FBXL20: variants seen among roughly 807,000 people sequenced by gnomAD.
The protein encoded by FBXL20 is F-box/LRR-repeat protein 20.
A neutral mutation model predicts 64.0 loss-of-function variants in FBXL20; 11 were observed. That is an observed-to-expected ratio of 0.17 (90% CI 0.11 to 0.28). The LOEUF is 0.28. Among genes scored for constraint, FBXL20 ranks in the 10% least tolerant of loss-of-function variants. FBXL20 has a pLI of 1.00. For synonymous variants in FBXL20, 184 were observed against 189.0 expected, an observed-to-expected ratio of 0.97 and a Z score of 0.22; for missense variants, 303 against 526.2, an observed-to-expected ratio of 0.58 and a Z score of 4.15.
chr17:39,402,345 G>A (rs981597791), upstream of FBXL20: 6 of 599,636 alleles, frequency 1.0e-5, no homozygotes, highest in African/African-American at 9.5e-5. Context: ...GGGTGCTGCA[G>A]GGAGGCCTGG....
At chr17:39,292,434 G>A (rs1286872053) in intron 6 of FBXL20, among the ~76,000 whole-genome samples, 1 of 140,742 alleles carries the variant, frequency 7.1e-6, no homozygotes, top group Non-Finnish European at 1.5e-5. Context: ...CCAGGCTTGA[G>A]TGCAGTGGCT....
intron 1 of FBXL20, among the ~76,000 whole-genome samples, chr17:39,374,297 G>A (rs893453463): frequency 6.6e-6 from 1 of 152,062 alleles, no homozygotes; most frequent in Non-Finnish European, 1.5e-5. Context: ...GGGAGGCCAA[G>A]GTGGTTGGAT....
upstream of FBXL20, chr17:39,401,751 G>A: frequency 4.8e-6 from 5 of 1,031,312 alleles, no homozygotes; most frequent in Non-Finnish European, 5.9e-6. Flanking sequence ...GGAGGAGCGC[G>A]GCGGCGGCGG....
chr17:39,305,950 G>A (rs946677684), intron 2 of FBXL20, among the ~76,000 whole-genome samples: 1 of 151,544 alleles, frequency 6.6e-6, no homozygotes, highest in Non-Finnish European at 1.5e-5. Flanking sequence ...TGGTGCCATT[G>A]TACTCCAGCC....
intron 1 of FBXL20, among the ~76,000 whole-genome samples, chr17:39,375,130 G>C (rs73293040): frequency 0.017 from 2,601 of 152,226 alleles, 74 homozygotes; most frequent in African/African-American, 0.058. Context: ...CACAGAATTA[G>C]TGTATCATCA....
intron 1 of FBXL20, among the ~76,000 whole-genome samples, chr17:39,363,518 CAG>C (rs1215705377): frequency 6.6e-6 from 1 of 151,752 alleles, no homozygotes; most frequent in African/African-American, 2.4e-5. Flanking sequence ...TCTATACAAA[CAG>C]ATAAATAATG....
At chr17:39,286,172 A>C (rs1452201571) in intron 6 of FBXL20, among the ~76,000 whole-genome samples, 1 of 152,204 alleles carries the variant, frequency 6.6e-6, no homozygotes, top group African/African-American at 2.4e-5. Flanking sequence ...AGAGTAAATA[A>C]TACAGAGAAC....
At chr17:39,275,651 C>G (rs2046883368) in intron 9 of FBXL20, among the ~76,000 whole-genome samples, 1 of 151,758 alleles carries the variant, frequency 6.6e-6, no homozygotes, top group Non-Finnish European at 1.5e-5. Context: ...CTCAAGTGAT[C>G]TGCCCACCTC....
rs1252998604 is a variant in FBXL20 at position 39,299,106 on chromosome 17, C to A, written c.235-22G>T. On this transcript the variant is annotated intron_variant, in intron 4 of 14. Transcript: ENST00000264658. ...GGCCCTGTAAAATGAGACAGGCAAA[C>A]AAAAAGATAACCCACCTCATTACTT... The A allele has an allele frequency of 2.0e-6, 3 of 1,525,420 alleles. No individual in the cohort carries two copies. In the Admixed American group the frequency reaches 5.5e-5, roughly 28 times the overall value. 94.5% of individuals were successfully genotyped at this position (1,525,420 alleles called of 1,614,324 possible). A position where few individuals can be genotyped will look rare whatever the true frequency, so the allele number is the denominator to read the frequency against.
chr17:39,400,196 T>G (rs987120249), intron 1 of FBXL20, among the ~76,000 whole-genome samples: 8 of 152,212 alleles, frequency 5.3e-5, no homozygotes, highest in Non-Finnish European at 8.8e-5. Flanking sequence ...ACAGTAACAC[T>G]GAAGCTCTGA....
At chr17:39,341,446 T>C (rs978822408) in intron 2 of FBXL20, among the ~76,000 whole-genome samples, 2 of 152,196 alleles carry the variant, frequency 1.3e-5, no homozygotes, top group Non-Finnish European at 2.9e-5. Context: ...TCACATATCT[T>C]CTTTCAGATG....
chr17:39,287,771 T>A (rs1006480556), intron 6 of FBXL20, among the ~76,000 whole-genome samples: 1 of 152,056 alleles, frequency 6.6e-6, no homozygotes, highest in Non-Finnish European at 1.5e-5. Context: ...AGGTTATGTT[T>A]GACTTTGAAG....
chr17:39,336,382 A>C (rs1259989839), intron 2 of FBXL20, among the ~76,000 whole-genome samples: 1 of 152,196 alleles, frequency 6.6e-6, no homozygotes, highest in African/African-American at 2.4e-5. Context: ...GACACACACA[A>C]ATTTAAAAGA....
At position 39,268,874 on chromosome 17, in the gene FBXL20, A is replaced by G; in HGVS notation, c.889-3T>C. ...ATCTTTTCAAGTTCATGGCAATTCT[A>G]CAAAGTACAAAAACAAACACAAACA... is the stretch of plus-strand genomic sequence containing the variant. On this transcript the variant is annotated splice_polypyrimidine_tract_variant and splice_region_variant and intron_variant, in intron 11 of 14. Coordinates refer to ENST00000264658, the MANE Select transcript of FBXL20 (RefSeq NM_032875.3). 1 of 1,613,476 alleles carries G rather than the reference A, an allele frequency of 6.2e-7. No individual in the cohort carries two copies. Among genetic ancestry groups the G allele is most frequent in the African/African-American group, 1.3e-5 (1 of 75,044 alleles).
At chr17:39,297,670 C>A in intron 5 of FBXL20, among the ~76,000 whole-genome samples, 1 of 152,018 alleles carries the variant, frequency 6.6e-6, no homozygotes, top group Non-Finnish European at 1.5e-5. Flanking sequence ...CCTTATACAC[C>A]TCTTCATATT....
At chr17:39,365,997 ATTTT>A (rs869080976) in intron 1 of FBXL20, among the ~76,000 whole-genome samples, 1 of 147,604 alleles carries the variant, frequency 6.8e-6, no homozygotes, top group Non-Finnish European at 1.5e-5. Context: ...ATTTAAAAAA[ATTTT>A]TTTTTTTTTA....
chr17:39,372,468 G>A (rs532173276), intron 1 of FBXL20, among the ~76,000 whole-genome samples: 99 of 124,886 alleles, frequency 7.9e-4, no homozygotes, highest in African/African-American at 2.5e-3. Flanking sequence ...GCAGCGAGCC[G>A]AGATTGCGCC....
intron 6 of FBXL20, among the ~76,000 whole-genome samples, chr17:39,286,094 A>G (rs1221222499): frequency 6.6e-6 from 1 of 152,212 alleles, no homozygotes; most frequent in Non-Finnish European, 1.5e-5. Context: ...TGTATTAAAG[A>G]CTTTTTTCTG....
chr17:39,268,773 T>C, intron 12 of FBXL20, 54 bp downstream of exon 12: 2 of 1,459,222 alleles, frequency 1.4e-6, no homozygotes, highest in Non-Finnish European at 1.9e-6. Flanking sequence ...TGATGTTGTG[T>C]ATTATCTAAG....
Sources: allele counts gnomAD v4.1 joint callset (sites outside exome capture counted in the v4.1 genomes callset), GRCh38; gene constraint gnomAD v4.1.1; transcripts MANE v1.5; gene names NCBI Gene and HGNC (gene_info 2026-07-23, HGNC 2026-07-21).